Variants in RAPGEF4 observed in about 807,000 individuals in gnomAD.
The protein encoded by RAPGEF4 is Rap guanine nucleotide exchange factor 4.
Under a neutral mutation model 147.9 loss-of-function variants are expected in RAPGEF4, and 66 were observed. The observed-to-expected ratio is 0.45, with a 90% CI of 0.37 to 0.55. RAPGEF4 has a LOEUF of 0.55. Ranked by LOEUF, RAPGEF4 falls within the 20% of genes least tolerant of loss-of-function variation. The probability of loss-of-function intolerance (pLI) is 0.00; values close to 1 mark genes in which losing one functional copy is unlikely to be tolerated. For missense variants in RAPGEF4, 1,071 were observed against 1,257.3 expected, an observed-to-expected ratio of 0.85 and a Z score of 2.24; for synonymous variants, 419 against 442.7, an observed-to-expected ratio of 0.95 and a Z score of 0.67.
At chr2:172,760,511 G>A (rs994901247) in intron 1 of RAPGEF4, among the ~76,000 whole-genome samples, 1 of 152,186 alleles carries the variant, frequency 6.6e-6, no homozygotes, top group Non-Finnish European at 1.5e-5. Flanking sequence ...AAGGTCAGGA[G>A]ATCGAGACCA....
chr2:172,861,531 G>A (rs3769292), intron 4 of RAPGEF4, among the ~76,000 whole-genome samples: 14,563 of 152,226 alleles, frequency 0.096, 713 homozygotes, highest in South Asian at 0.15. Context: ...TGTCCCTGGC[G>A]AGCCTAGGTG....
Position 172,990,873 on chromosome 2 carries a change from G to A in RAPGEF4, c.1438G>A (p.Val480Ile), listed in dbSNP as rs758702367. The A allele has an allele frequency of 6.2e-7, 1 of 1,614,066 alleles. No homozygotes were observed. The highest frequency in any genetic ancestry group is 8.5e-7 in the Non-Finnish European group (1 of 1,179,980). Reference protein sequence around the residue: ...HDQDVLVLEKVPAGNRASNQG... With the variant: ...HDQDVLVLEKIPAGNRASNQG... Reference sequence around the variant, plus strand: ...CCAAGATGTCTTGGTGCTGGAGAAGGTCCCAGCAGGGAACAGAGCTTCTAA... The same window carrying A: ...CCAAGATGTCTTGGTGCTGGAGAAGATCCCAGCAGGGAACAGAGCTTCTAA... Residue 480 changes from valine to isoleucine, a missense_variant, in exon 15 of 31, where the codon GTC (valine) becomes ATC (isoleucine). Coordinates refer to ENST00000397081, the MANE Select transcript of RAPGEF4 (RefSeq NM_007023.4).
chr2:172,857,229 G>T (rs2149760317), intron 4 of RAPGEF4, among the ~76,000 whole-genome samples: 1 of 152,000 alleles, frequency 6.6e-6, no homozygotes, highest in Admixed American at 6.6e-5. Context: ...TTTGCCCAAG[G>T]TCATACAGCT....
chr2:172,970,699 A>G (rs1335168031), intron 10 of RAPGEF4, among the ~76,000 whole-genome samples: 1 of 152,176 alleles, frequency 6.6e-6, no homozygotes, highest in Non-Finnish European at 1.5e-5. Context: ...TATTACATTA[A>G]CTGCAGCATT....
intron 8 of RAPGEF4, among the ~76,000 whole-genome samples, chr2:172,963,908 G>C (rs1185805336): frequency 1.3e-5 from 2 of 152,170 alleles, no homozygotes; most frequent in Non-Finnish European, 2.9e-5. Flanking sequence ...AAGGATACCT[G>C]TGATTCCATC....
At chr2:172,916,293 C>T (rs1684064368) in intron 4 of RAPGEF4, among the ~76,000 whole-genome samples, 1 of 152,142 alleles carries the variant, frequency 6.6e-6, no homozygotes, top group South Asian at 2.1e-4. Context: ...GTGAAATGGC[C>T]CCTTCAATTT....
chr2:172,831,266 C>CTTTCTTTTTTTTTTTTTT (rs1690281615), intron 4 of RAPGEF4, among the ~76,000 whole-genome samples: 1 of 53,876 alleles, frequency 1.9e-5, no homozygotes, highest in African/African-American at 6.2e-5. Context: ...AGATAGAAAA[C>CTTTCTTTTTTTTTTTTTT]TTTTTTTTTT....
intron 1 of RAPGEF4, among the ~76,000 whole-genome samples, chr2:172,758,284 A>G (rs1313707490): frequency 6.6e-6 from 1 of 152,184 alleles, no homozygotes; most frequent in South Asian, 2.1e-4. Context: ...AACAAGGGAA[A>G]GGGTAGGAGA....
At chr2:173,044,703 G>A (rs1014666739) in intron 29 of RAPGEF4, among the ~76,000 whole-genome samples, 1 of 152,096 alleles carries the variant, frequency 6.6e-6, no homozygotes, top group Admixed American at 6.5e-5. Context: ...TAAGCGTGGC[G>A]ACAGGGGGGT....
intron 6 of RAPGEF4, among the ~76,000 whole-genome samples, chr2:172,953,245 ATATAT>A (rs1026094229): frequency 9.5e-5 from 14 of 147,852 alleles, no homozygotes; most frequent in East Asian, 5.9e-4. Flanking sequence ...TATATCTATT[ATATAT>A]TATATCTATT....
chr2:172,821,739 A>T, intron 4 of RAPGEF4: 1 of 457,386 alleles, frequency 2.2e-6, no homozygotes, highest in Non-Finnish European at 2.9e-6. Flanking sequence ...ACTAAAGTTA[A>T]AAAAAAAAAA....
chr2:172,873,734 A>G (rs771774395), intron 4 of RAPGEF4, among the ~76,000 whole-genome samples: 3 of 152,218 alleles, frequency 2.0e-5, no homozygotes, highest in African/African-American at 7.2e-5. Context: ...TGCACAGCAA[A>G]AGGAATATCA....
intron 1 of RAPGEF4, among the ~76,000 whole-genome samples, chr2:172,774,617 CTA>C (rs1683978203): frequency 1.3e-5 from 2 of 152,220 alleles, no homozygotes; most frequent in African/African-American, 4.8e-5. Context: ...AAGGGGCTCT[CTA>C]TGAAGCCTTC....
At chr2:172,828,825 T>A (rs1344609895) in intron 4 of RAPGEF4, among the ~76,000 whole-genome samples, 2 of 152,168 alleles carry the variant, frequency 1.3e-5, no homozygotes, top group Non-Finnish European at 2.9e-5. Flanking sequence ...CAGGAGGGAA[T>A]CATGGCAGCC....
At chr2:172,973,133 G>A (rs1343942501) in intron 10 of RAPGEF4, among the ~76,000 whole-genome samples, 3 of 137,280 alleles carry the variant, frequency 2.2e-5, no homozygotes, top group Admixed American at 7.8e-5. Context: ...CTTTTTTTGA[G>A]ACAGGGTCCC....
chr2:172,980,059 C>G (rs756814788), intron 10 of RAPGEF4, among the ~76,000 whole-genome samples: 8 of 152,042 alleles, frequency 5.3e-5, no homozygotes, highest in Admixed American at 2.0e-4. Context: ...TGAGGCAGAA[C>G]AAAAGTATTT....
intron 15 of RAPGEF4, among the ~76,000 whole-genome samples, chr2:172,995,523 G>T (rs545902754): frequency 2.6e-5 from 4 of 151,996 alleles, no homozygotes; most frequent in Admixed American, 6.6e-5. Flanking sequence ...CAGGCAATCC[G>T]CCCGCCTCGG....
intron 5 of RAPGEF4, among the ~76,000 whole-genome samples, chr2:172,920,339 C>T (rs892889781): frequency 4.6e-5 from 7 of 152,218 alleles, no homozygotes; most frequent in South Asian, 2.1e-4. Context: ...GCACCACAAT[C>T]ACACCTAATA....
At chr2:172,800,164 T>C (rs1297777988) in intron 3 of RAPGEF4, among the ~76,000 whole-genome samples, 1 of 152,244 alleles carries the variant, frequency 6.6e-6, no homozygotes, top group Non-Finnish European at 1.5e-5. Context: ...GCTTCCTTTA[T>C]GTATTTCATC....
Sources: allele counts gnomAD v4.1 joint callset (sites outside exome capture counted in the v4.1 genomes callset), GRCh38; gene constraint gnomAD v4.1.1; transcripts MANE v1.5; gene names NCBI Gene and HGNC (gene_info 2026-07-23, HGNC 2026-07-21).